SETD3: variants seen among roughly 807,000 people sequenced by gnomAD.
SETD3 encodes actin-histidine N-methyltransferase.
SETD3 carries 19 observed loss-of-function variants against 63.0 expected under a neutral mutation model. The ratio of observed to expected loss-of-function variants is 0.30; its 90% CI spans 0.21 to 0.44. The LOEUF (loss-of-function observed/expected upper bound fraction) is 0.44, where lower values mean the gene tolerates loss of function less well. SETD3 is among the 20% of genes least tolerant of loss of function. The pLI is 1.00. For synonymous variants in SETD3, 286 were observed against 264.1 expected (o/e 1.08, Z -0.80); for missense variants, 587 against 728.5 (o/e 0.81, Z 2.24).
At chr14:99,439,231 G>A (rs1352361693) in intron 6 of SETD3, among the ~76,000 whole-genome samples, 1 of 152,170 alleles carries the variant, frequency 6.6e-6, no homozygotes, top group African/African-American at 2.4e-5. Flanking sequence ...CCCTCTGAGA[G>A]GCAAAGGCTG....
chr14:99,441,798 C>T (rs1893831838), intron 6 of SETD3, among the ~76,000 whole-genome samples: 2 of 152,134 alleles, frequency 1.3e-5, no homozygotes, highest in African/African-American at 2.4e-5. Flanking sequence ...TTGTTCTAAG[C>T]GTAAGGAAAA....
chr14:99,430,798 C>T (rs772778836), intron 6 of SETD3, among the ~76,000 whole-genome samples: 1 of 152,204 alleles, frequency 6.6e-6, no homozygotes, highest in Non-Finnish European at 1.5e-5. Context: ...GCCCACCTGC[C>T]CACAAAGGGC....
At chr14:99,466,629 G>T (rs1326352122) in intron 1 of SETD3, among the ~76,000 whole-genome samples, 1 of 151,152 alleles carries the variant, frequency 6.6e-6, no homozygotes, top group African/African-American at 2.4e-5. Flanking sequence ...GGGGGGGGGG[G>T]GGGGCATTCA....
At chr14:99,472,692 G>A (rs953905917) in intron 1 of SETD3, among the ~76,000 whole-genome samples, 3 of 152,012 alleles carry the variant, frequency 2.0e-5, no homozygotes, top group South Asian at 2.1e-4. Context: ...ATACACATAC[G>A]AACTCAAGTT....
chr14:99,451,491 CT>C (rs1894457656), intron 6 of SETD3, among the ~76,000 whole-genome samples: 6 of 152,070 alleles, frequency 3.9e-5, no homozygotes, highest in Admixed American at 2.6e-4. Flanking sequence ...GGTGTTGTAT[CT>C]TTTTTCTTTT....
At chr14:99,400,018 G>A in intron 12 of SETD3, 81 bp downstream of exon 12, 1 of 1,318,910 alleles carries the variant, frequency 7.6e-7, no homozygotes. Flanking sequence ...TGGGATTACA[G>A]GCGTGAGCCA....
intron 6 of SETD3, among the ~76,000 whole-genome samples, chr14:99,443,375 T>C (rs970146541): frequency 6.6e-6 from 1 of 151,012 alleles, no homozygotes; most frequent in African/African-American, 2.4e-5. Context: ...CCTCAGCCTC[T>C]TGAGTAGCTG....
intron 6 of SETD3, among the ~76,000 whole-genome samples, chr14:99,436,586 G>C (rs561112365): frequency 6.6e-6 from 1 of 152,178 alleles, no homozygotes; most frequent in Non-Finnish European, 1.5e-5. Context: ...AAGAATAAAA[G>C]TAAGTGAGTT....
At chr14:99,481,979 G>A (rs1043612155), upstream of SETD3, among the ~76,000 whole-genome samples, 1 of 152,198 alleles carries the variant, frequency 6.6e-6, no homozygotes, top group African/African-American at 2.4e-5. Context: ...AGGCACTTCC[G>A]GGATTAGATT....
chr14:99,442,551 C>T (rs1404199618), intron 6 of SETD3, among the ~76,000 whole-genome samples: 2 of 152,216 alleles, frequency 1.3e-5, no homozygotes, highest in East Asian at 3.8e-4. Context: ...TCTCCTCTTA[C>T]TCAATGTCAC....
At chr14:99,405,164 A>AAACT (rs1891611726) in intron 10 of SETD3, 41 bp downstream of exon 10, 1 of 1,589,868 alleles carries the variant, frequency 6.3e-7, no homozygotes, top group Middle Eastern at 1.8e-4. Flanking sequence ...GAAATAGTTC[A>AAACT]AGTACTGCAA....
At chr14:99,406,424 C>G in intron 9 of SETD3, 92 bp downstream of exon 9, 1 of 1,192,412 alleles carries the variant, frequency 8.4e-7, no homozygotes, top group South Asian at 1.3e-5. Flanking sequence ...ATTTTTTCCC[C>G]TAAGTTAAGT....
chr14:99,405,874 T>C (rs1891653400), intron 9 of SETD3, among the ~76,000 whole-genome samples: 1 of 152,246 alleles, frequency 6.6e-6, no homozygotes, highest in African/African-American at 2.4e-5. Context: ...TTATAAACTT[T>C]TCTGAAGAAG....
chr14:99,408,052 C>T (rs1891784044), intron 8 of SETD3, among the ~76,000 whole-genome samples: 1 of 152,162 alleles, frequency 6.6e-6, no homozygotes, highest in African/African-American at 2.4e-5. Context: ...TCATTTTATC[C>T]TGGAGAATCA....
rs1354089787 is a variant in SETD3 at position 99,432,858 on chromosome 14, C to T, written c.676-18924G>A. On this transcript the variant is annotated intron_variant, in intron 6 of 12. Transcript: ENST00000331768. ...GGCCCAGGTGTGACAGCCAAAATGT[C>T]TCTATTCCCCCAAGGGATCAGTCAT... 2.0e-5 allele frequency among the ~76,000 whole-genome samples: 3 copies of T among 152,268 alleles called. No individual in the cohort carries two copies. The East Asian group carries it at 5.8e-4, about 29-fold the overall frequency.
intron 8 of SETD3, chr14:99,410,288 G>T: frequency 6.2e-7 from 1 of 1,609,820 alleles, no homozygotes; most frequent in South Asian, 1.1e-5. Flanking sequence ...AGGTTGTTCG[G>T]AGAGACTTGT....
chr14:99,460,938 T>C (rs1895030840), intron 4 of SETD3, among the ~76,000 whole-genome samples: 1 of 152,218 alleles, frequency 6.6e-6, no homozygotes, highest in Admixed American at 6.5e-5. Context: ...GCATGTTCTA[T>C]GGTCTCCTAA....
chr14:99,484,154 G>T (rs949258389), upstream of SETD3, among the ~76,000 whole-genome samples: 2 of 152,244 alleles, frequency 1.3e-5, no homozygotes, highest in Admixed American at 6.5e-5. Flanking sequence ...AAGAAAAGCA[G>T]TGTCTAGATT....
intron 6 of SETD3, among the ~76,000 whole-genome samples, chr14:99,448,335 C>T (rs1247729923): frequency 6.6e-6 from 1 of 152,156 alleles, no homozygotes; most frequent in East Asian, 1.9e-4. Flanking sequence ...GTGGCAGAAG[C>T]GTCATCTGCA....
Sources: allele counts gnomAD v4.1 joint callset (sites outside exome capture counted in the v4.1 genomes callset), GRCh38; gene constraint gnomAD v4.1.1; transcripts MANE v1.5; gene names NCBI Gene and HGNC (gene_info 2026-07-23, HGNC 2026-07-21).